The following RAD51B variants were observed in gnomAD, a reference collection of about 807,000 sequenced individuals.
The protein encoded by RAD51B is RAD51 paralog B, also known as DNA repair protein RAD51 homolog 2.
RAD51B carries 38 observed loss-of-function variants against 42.2 expected under a neutral mutation model. The ratio of observed to expected loss-of-function variants is 0.90; its 90% CI spans 0.70 to 1.18. The LOEUF (loss-of-function observed/expected upper bound fraction) is 1.18, where lower values mean the gene tolerates loss of function less well. RAD51B is among the 50% of genes most tolerant of loss of function. The pLI, the probability that RAD51B is intolerant of heterozygous loss-of-function variation, is 0.00. For synonymous variants in RAD51B, 154 were observed against 145.2 expected (o/e 1.06, Z -0.43); for missense variants, 373 against 400.7 (o/e 0.93, Z 0.59).
At chr14:68,673,365 AAC>A (rs1340258216) in intron 11 of RAD51B, among the ~76,000 whole-genome samples, 5 of 150,930 alleles carry the variant, frequency 3.3e-5, no homozygotes, top group African/African-American at 4.9e-5. Context: ...CACATACATA[AAC>A]ACACTGTACA....
At chr14:68,005,816 A>G (rs770159454) in intron 7 of RAD51B, among the ~76,000 whole-genome samples, 2 of 152,226 alleles carry the variant, frequency 1.3e-5, no homozygotes, top group Non-Finnish European at 2.9e-5. Flanking sequence ...TAACTGGCTT[A>G]TGGTTCCATA....
chr14:68,282,873 C>A (rs1340566181), intron 7 of RAD51B, among the ~76,000 whole-genome samples: 1 of 152,078 alleles, frequency 6.6e-6, no homozygotes, highest in Non-Finnish European at 1.5e-5. Flanking sequence ...TTACTCTCCA[C>A]TGGAGGTTTC....
chr14:68,342,148 A>G (rs2139839621), intron 8 of RAD51B, among the ~76,000 whole-genome samples: 1 of 152,340 alleles, frequency 6.6e-6, no homozygotes, highest in East Asian at 1.9e-4. Context: ...CAGAAATAGG[A>G]TGTGAACACT....
At chr14:67,948,931 C>CAAAAAAAAAAAAAAAAAAAAAA (rs59465805) in intron 7 of RAD51B, among the ~76,000 whole-genome samples, 1 of 17,070 alleles carries the variant, frequency 5.9e-5, no homozygotes, top group Non-Finnish European at 1.2e-4. Context: ...GACTCTGTCT[C>CAAAAAAAAAAAAAAAAAAAAAA]AAAAAAAAAA....
intron 8 of RAD51B, among the ~76,000 whole-genome samples, chr14:68,362,828 G>A (rs2083058321): frequency 6.6e-6 from 1 of 151,564 alleles, no homozygotes; most frequent in Non-Finnish European, 1.5e-5. Flanking sequence ...CAGCCTGGGT[G>A]ACAGAGTGAG....
chr14:67,949,482 T>G (rs1386351194), intron 7 of RAD51B, among the ~76,000 whole-genome samples: 2 of 152,224 alleles, frequency 1.3e-5, no homozygotes, highest in African/African-American at 4.8e-5. Flanking sequence ...CACTTCTAAT[T>G]TGAGTTCTCT....
Position 67,958,208 on chromosome 14 carries a change from A to G in RAD51B, c.756+71004A>G, listed in dbSNP as rs552064083. On this transcript the variant is annotated intron_variant, in intron 7 of 10. Transcript: ENST00000471583. ...TCTGTTTATTTTGTGTGATAGTAACATGGAGCTCTATATATGAAGCTTTAT... is the reference window on the plus strand; with the variant it reads ...TCTGTTTATTTTGTGTGATAGTAACGTGGAGCTCTATATATGAAGCTTTAT... Among the ~76,000 whole-genome samples, 16 of 152,314 alleles carry G rather than the reference A, an allele frequency of 1.1e-4. No homozygotes were observed. In the East Asian group the frequency reaches 2.9e-3, roughly 28 times the overall value.
At position 68,234,191 on chromosome 14, in the gene RAD51B, G is replaced by C. The variant is rs974962665; in HGVS notation, c.757-57693G>C. 2.6e-5 allele frequency among the ~76,000 whole-genome samples: 4 copies of C among 152,162 alleles called. No individual in the cohort carries two copies. In the East Asian group the frequency reaches 7.7e-4, roughly 29 times the overall value. On this transcript the variant is annotated intron_variant, in intron 7 of 10. Coordinates refer to ENST00000471583, the MANE Select transcript of RAD51B (RefSeq NM_133510.4). ...GGTGTTTGAGTGGGACCTCCAGTTA[G>C]GAACTCAGATGTCTGGATGGGTCAT...
chr14:68,062,129 T>C (rs2076576857), intron 7 of RAD51B, among the ~76,000 whole-genome samples: 1 of 152,224 alleles, frequency 6.6e-6, no homozygotes, highest in South Asian at 2.1e-4. Context: ...TTTTATCAAA[T>C]GCTTTTTCTG....
At chr14:68,436,160 A>G (rs2085143157) in intron 9 of RAD51B, among the ~76,000 whole-genome samples, 1 of 152,196 alleles carries the variant, frequency 6.6e-6, no homozygotes, top group Admixed American at 6.5e-5. Flanking sequence ...GAGGGCCTAC[A>G]TTTAAGCATT....
chr14:68,034,184 A>G (rs1182024448), intron 7 of RAD51B, among the ~76,000 whole-genome samples: 4 of 152,012 alleles, frequency 2.6e-5, no homozygotes, highest in South Asian at 2.1e-4. Flanking sequence ...TTTTCATACT[A>G]CTGGAATACA....
At chr14:68,131,869 C>T (rs1248174987) in intron 7 of RAD51B, among the ~76,000 whole-genome samples, 3 of 152,130 alleles carry the variant, frequency 2.0e-5, no homozygotes, top group South Asian at 2.1e-4. Context: ...TACAGTTCAA[C>T]AAGCTGAGAT....
At chr14:68,321,630 A>T (rs1359834469) in intron 8 of RAD51B, among the ~76,000 whole-genome samples, 3 of 152,228 alleles carry the variant, frequency 2.0e-5, no homozygotes, top group Non-Finnish European at 4.4e-5. Context: ...GTAGACCTTG[A>T]GCAAGTTACT....
chr14:67,941,279 T>C (rs1054315679), intron 7 of RAD51B, among the ~76,000 whole-genome samples: 1 of 152,126 alleles, frequency 6.6e-6, no homozygotes, highest in African/African-American at 2.4e-5. Context: ...GAGTTTGTTT[T>C]TGAGGTGGTG....
At chr14:68,213,518 T>A (rs1447331287) in intron 7 of RAD51B, among the ~76,000 whole-genome samples, 2 of 152,196 alleles carry the variant, frequency 1.3e-5, no homozygotes, top group Non-Finnish European at 2.9e-5. Context: ...GTATGTTAAG[T>A]CTTGAAGGAG....
chr14:68,508,962 G>T (rs1885528165), intron 10 of RAD51B, among the ~76,000 whole-genome samples: 1 of 152,246 alleles, frequency 6.6e-6, no homozygotes, highest in African/African-American at 2.4e-5. Context: ...CACTGTGCCT[G>T]CCATGCAATC....
At chr14:68,426,562 C>T (rs1433993842) in intron 9 of RAD51B, among the ~76,000 whole-genome samples, 1 of 152,084 alleles carries the variant, frequency 6.6e-6, no homozygotes, top group Non-Finnish European at 1.5e-5. Flanking sequence ...AATTTTAAAC[C>T]ATGACATCGA....
At chr14:68,305,872 G>A (rs776105882) in intron 8 of RAD51B, among the ~76,000 whole-genome samples, 2 of 152,230 alleles carry the variant, frequency 1.3e-5, no homozygotes, top group African/African-American at 4.8e-5. Flanking sequence ...ATAGGTTGAA[G>A]TAGCTTAGTA....
At chr14:67,996,412 TAATAAATA>T (rs139583137) in intron 7 of RAD51B, among the ~76,000 whole-genome samples, 3,524 of 147,460 alleles carry the variant, frequency 0.024, 67 homozygotes, top group African/African-American at 0.047. Context: ...ATAACAACAA[TAATAAATA>T]AATAAATAAA....
Sources: gnomAD v4.1 joint callset for allele counts (sites outside exome capture counted in the v4.1 genomes callset) on GRCh38, gnomAD v4.1.1 for gene constraint, MANE v1.5 for transcripts, NCBI Gene and HGNC (gene_info 2026-07-23, HGNC 2026-07-21) for gene names.